NDST4: variants seen among roughly 807,000 people sequenced by gnomAD.
The protein encoded by NDST4 is N-deacetylase and N-sulfotransferase 4.
A neutral mutation model predicts 100.8 loss-of-function variants in NDST4; 63 were observed. The ratio of observed to expected loss-of-function variants is 0.62; its 90% CI spans 0.51 to 0.77. NDST4 has a LOEUF of 0.77. Among genes scored for constraint, NDST4 ranks in the 30% least tolerant of loss-of-function variants. The pLI, the probability that NDST4 is intolerant of heterozygous loss-of-function variation, is 0.00. For missense variants in NDST4, 943 were observed against 1,018.4 expected (o/e 0.93, Z 1.01); for synonymous variants, 377 against 361.8 (o/e 1.04, Z -0.48).
At chr4:115,089,381 T>A (rs1470097635) in intron 1 of NDST4, among the ~76,000 whole-genome samples, 1 of 63,054 alleles carries the variant, frequency 1.6e-5, no homozygotes, top group Non-Finnish European at 2.9e-5. Flanking sequence ...CACAAAAATG[T>A]AGGATCTTTT....
chr4:114,986,832 A>ATATATATATATATTTTT, intron 2 of NDST4, among the ~76,000 whole-genome samples: 18 of 94,644 alleles, frequency 1.9e-4, no homozygotes, highest in East Asian at 3.6e-4. Context: ...ATATATATAT[A>ATATATATATATATTTTT]TTTTAATATA....
chr4:115,072,342 GA>G (rs1283407854), intron 2 of NDST4, among the ~76,000 whole-genome samples: 10 of 151,814 alleles, frequency 6.6e-5, no homozygotes, highest in Admixed American at 1.3e-4. Flanking sequence ...CACAAAAATA[GA>G]AAAAAATTTT....
intron 7 of NDST4, among the ~76,000 whole-genome samples, chr4:114,860,059 A>G (rs1164644145): frequency 1.3e-5 from 2 of 152,226 alleles, no homozygotes; most frequent in Non-Finnish European, 2.9e-5. Flanking sequence ...AGTAATGTAT[A>G]ATGACAACCA....
intron 1 of NDST4, among the ~76,000 whole-genome samples, chr4:115,079,161 C>T (rs1729251439): frequency 1.3e-5 from 2 of 151,870 alleles, no homozygotes; most frequent in Non-Finnish European, 2.9e-5. Context: ...ACCATCCTGG[C>T]CAACATGGTG....
At chr4:114,855,559 T>C (rs889603876) in intron 7 of NDST4, among the ~76,000 whole-genome samples, 10 of 152,156 alleles carry the variant, frequency 6.6e-5, no homozygotes, top group East Asian at 5.8e-4. Flanking sequence ...GTTCTTGACA[T>C]CTTTGGTGAA....
At chr4:114,874,554 T>C (rs1368656033) in intron 6 of NDST4, among the ~76,000 whole-genome samples, 1 of 152,198 alleles carries the variant, frequency 6.6e-6, no homozygotes, top group East Asian at 1.9e-4. Flanking sequence ...TGGTATATGG[T>C]CAATTGGTTG....
At chr4:114,983,067 T>C (rs1726815461) in intron 2 of NDST4, among the ~76,000 whole-genome samples, 1 of 152,186 alleles carries the variant, frequency 6.6e-6, no homozygotes, top group Admixed American at 6.5e-5. Flanking sequence ...TTTCAGAGGA[T>C]GTATTGAAAT....
chr4:114,876,347 T>C (rs1384916474), intron 6 of NDST4, among the ~76,000 whole-genome samples: 2 of 152,210 alleles, frequency 1.3e-5, no homozygotes, highest in Non-Finnish European at 2.9e-5. Flanking sequence ...AATGTGAAGA[T>C]AGATGGAATA....
chr4:115,106,952 C>A (rs1047907026), intron 1 of NDST4, among the ~76,000 whole-genome samples: 4 of 151,570 alleles, frequency 2.6e-5, no homozygotes, highest in Non-Finnish European at 4.4e-5. Context: ...GCCAGGAAAT[C>A]GAGGCCAGCG....
chr4:115,102,575 T>C (rs1729752222), intron 1 of NDST4, among the ~76,000 whole-genome samples: 2 of 152,094 alleles, frequency 1.3e-5, no homozygotes, highest in African/African-American at 4.8e-5. Flanking sequence ...ATTATTCTGC[T>C]TCTGAATTTA....
intron 2 of NDST4, among the ~76,000 whole-genome samples, chr4:115,000,848 G>C (rs961959666): frequency 6.6e-6 from 1 of 152,088 alleles, no homozygotes; most frequent in Non-Finnish European, 1.5e-5. Context: ...ATTTCTTACA[G>C]TACTGGAGGC....
intron 11 of NDST4, among the ~76,000 whole-genome samples, chr4:114,836,445 C>A (rs1027745198): frequency 6.6e-6 from 1 of 152,026 alleles, no homozygotes. Context: ...TAATATTGGC[C>A]CCCACTCTCT....
At chr4:115,090,249 A>G (rs1578514098) in intron 1 of NDST4, among the ~76,000 whole-genome samples, 4 of 151,928 alleles carry the variant, frequency 2.6e-5, no homozygotes, top group East Asian at 3.9e-4. Context: ...CCTATAAAGT[A>G]CCTCTACCAA....
At chr4:115,057,211 G>A (rs1315752422) in intron 2 of NDST4, among the ~76,000 whole-genome samples, 1 of 152,142 alleles carries the variant, frequency 6.6e-6, no homozygotes, top group Non-Finnish European at 1.5e-5. Flanking sequence ...TAGTCTGCCT[G>A]TAGAAGTGCA....
chr4:114,906,377 T>C (rs1724948888), intron 6 of NDST4, among the ~76,000 whole-genome samples: 1 of 137,030 alleles, frequency 7.3e-6, no homozygotes, highest in African/African-American at 3.5e-5. Context: ...TCTAGCGGCA[T>C]TTTTTTTTGT....
intron 12 of NDST4, among the ~76,000 whole-genome samples, chr4:114,833,009 C>A (rs1723234711): frequency 6.6e-6 from 1 of 152,180 alleles, no homozygotes; most frequent in South Asian, 2.1e-4. Context: ...CTCTAAACAT[C>A]ATGAGCGAAG....
At chr4:114,990,151 C>A (rs1578435995) in intron 2 of NDST4, among the ~76,000 whole-genome samples, 1 of 149,732 alleles carries the variant, frequency 6.7e-6, no homozygotes, top group African/African-American at 2.5e-5. Context: ...TATCCTAATT[C>A]TTTTAAAATT....
Position 114,958,359 on chromosome 4 carries a change from T to G in NDST4, c.1221+12071A>C, listed in dbSNP as rs191837776. 1.1e-3 allele frequency among the ~76,000 whole-genome samples: 157 copies of G among 147,996 alleles called. 1 individual carries two copies. Among genetic ancestry groups the G allele is most frequent in the Non-Finnish European group, 1.9e-3 (127 of 68,028 alleles). On this transcript the variant is annotated intron_variant, in intron 4 of 13. Transcript: ENST00000264363. ...TGTAAAACATAGCAAGAGTCACCTT[T>G]ATTACAGTTTGTAACATGTTCCTCA... is the stretch of plus-strand genomic sequence containing the variant.
At chr4:114,936,693 T>C (rs1206627704) in intron 5 of NDST4, among the ~76,000 whole-genome samples, 1 of 152,202 alleles carries the variant, frequency 6.6e-6, no homozygotes, top group Non-Finnish European at 1.5e-5. Flanking sequence ...TGAAATCCAA[T>C]TGGTTTTATT....
Sources: allele counts gnomAD v4.1 joint callset (sites outside exome capture counted in the v4.1 genomes callset), GRCh38; gene constraint gnomAD v4.1.1; transcripts MANE v1.5; gene names NCBI Gene and HGNC (gene_info 2026-07-23, HGNC 2026-07-21).